The following SERGEF variants were observed in gnomAD, a reference collection of about 807,000 sequenced individuals.
SERGEF encodes secretion regulating guanine nucleotide exchange factor.
A neutral mutation model predicts 50.0 loss-of-function variants in SERGEF; 51 were observed. The observed-to-expected ratio is 1.02, with a 90% CI of 0.81 to 1.29. The LOEUF (loss-of-function observed/expected upper bound fraction) is 1.29. Ranked by LOEUF, SERGEF falls within the 50% of genes most tolerant of loss-of-function variation. The pLI is 0.00. For synonymous variants in SERGEF, 205 were observed against 212.4 expected (o/e 0.97, Z 0.30); for missense variants, 521 against 557.0 (o/e 0.94, Z 0.65).
chr11:17,934,713 T>A (rs987067209), intron 9 of SERGEF, among the ~76,000 whole-genome samples: 3 of 152,234 alleles, frequency 2.0e-5, no homozygotes, highest in Admixed American at 6.5e-5. Context: ...CCAAGTGTAC[T>A]GACTAACCTC....
At chr11:17,809,598 G>A (rs1431884884) in intron 10 of SERGEF, among the ~76,000 whole-genome samples, 1 of 152,152 alleles carries the variant, frequency 6.6e-6, no homozygotes, top group Non-Finnish European at 1.5e-5. Flanking sequence ...TCATTTGGAG[G>A]TGGAGGCAAA....
chr11:17,953,278 C>T (rs1786399935), intron 9 of SERGEF, among the ~76,000 whole-genome samples: 1 of 152,222 alleles, frequency 6.6e-6, no homozygotes, highest in Non-Finnish European at 1.5e-5. Context: ...TTCCACTCTT[C>T]TCTGCTTCCC....
chr11:17,850,408 C>G (rs980639413), intron 10 of SERGEF, among the ~76,000 whole-genome samples: 3 of 152,214 alleles, frequency 2.0e-5, no homozygotes, highest in Admixed American at 2.0e-4. Flanking sequence ...CACACGTACA[C>G]ATACAGGGCT....
intron 10 of SERGEF, among the ~76,000 whole-genome samples, chr11:17,857,967 A>G (rs2133879404): frequency 6.6e-6 from 1 of 152,370 alleles, no homozygotes; most frequent in South Asian, 2.1e-4. Flanking sequence ...AACACATTTC[A>G]GATGAATACC....
intron 9 of SERGEF, among the ~76,000 whole-genome samples, chr11:17,908,453 A>G (rs565370046): frequency 6.6e-6 from 1 of 152,194 alleles, no homozygotes; most frequent in South Asian, 2.1e-4. Context: ...TTCAGACATG[A>G]TCCCCTCCGA....
intron 10 of SERGEF, among the ~76,000 whole-genome samples, chr11:17,830,383 T>C (rs1850272150): frequency 6.6e-6 from 1 of 152,222 alleles, no homozygotes; most frequent in Non-Finnish European, 1.5e-5. Flanking sequence ...CATTTTGTGC[T>C]GCTATAACAG....
intron 1 of SERGEF, among the ~76,000 whole-genome samples, chr11:18,010,961 A>G (rs565330851): frequency 1.3e-5 from 2 of 152,176 alleles, no homozygotes; most frequent in African/African-American, 2.4e-5. Flanking sequence ...GAAAAGTAAC[A>G]TGACACATGG....
intron 4 of SERGEF, chr11:18,000,848 A>T (rs757102456): frequency 1.2e-5 from 7 of 562,152 alleles, no homozygotes; most frequent in Non-Finnish European, 2.0e-5. Flanking sequence ...CTGTAAAGGG[A>T]CAGTTAGTAA....
chr11:17,838,235 T>C (rs961883163), intron 10 of SERGEF, among the ~76,000 whole-genome samples: 2 of 152,222 alleles, frequency 1.3e-5, no homozygotes, highest in African/African-American at 4.8e-5. Flanking sequence ...GCTTTAGCGG[T>C]CCAGAACACA....
intron 7 of SERGEF, 73 bp downstream of exon 7, chr11:17,992,858 A>G: frequency 7.9e-7 from 1 of 1,272,084 alleles, no homozygotes; most frequent in South Asian, 1.2e-5. Flanking sequence ...TCTGTATTTC[A>G]ATATCACCAC....
chr11:17,860,542 C>T (rs930915485), intron 10 of SERGEF, among the ~76,000 whole-genome samples: 4 of 151,968 alleles, frequency 2.6e-5, no homozygotes, highest in South Asian at 2.1e-4. Context: ...TGGTTGGCTC[C>T]GGAAATTGGA....
At chr11:17,869,620 A>G (rs1387757943) in intron 10 of SERGEF, among the ~76,000 whole-genome samples, 1 of 152,090 alleles carries the variant, frequency 6.6e-6, no homozygotes, top group Non-Finnish European at 1.5e-5. Flanking sequence ...TTATAAGGGT[A>G]CTAACACCAT....
intron 9 of SERGEF, among the ~76,000 whole-genome samples, chr11:17,895,086 C>T (rs1020568857): frequency 3.9e-5 from 6 of 152,184 alleles, no homozygotes; most frequent in Non-Finnish European, 8.8e-5. Flanking sequence ...GAATCTTTGC[C>T]TTTGCTGCAG....
Position 18,012,954 on chromosome 11 carries a change from G to A in SERGEF, c.57C>T (p.Ala19=), listed in dbSNP as rs958993868. 2.8e-5 allele frequency: 41 copies of A among 1,490,774 alleles called. No homozygotes were observed. Among genetic ancestry groups the A allele is most frequent in the Admixed American group, 4.6e-5 (2 of 43,342 alleles). The allele number at this position is 1,490,774 out of a possible 1,614,324, so 92.3% of individuals were successfully genotyped here. ...GCCCGGGGGCGGAGTCACGTACCCAGGCGAAGAGCGCGGCCGCCGCGGGGG... is the reference window on the plus strand; with the variant it reads ...GCCCGGGGGCGGAGTCACGTACCCAAGCGAAGAGCGCGGCCGCCGCGGGGG... ...EAAPAAAALF[A]WGANSYGQLG... The change falls in exon 1 of 11, where the codon GCC becomes GCT. Residue 19 remains alanine, a synonymous_variant. Transcript: ENST00000265965.
At chr11:17,896,477 G>A (rs1189375607) in intron 9 of SERGEF, among the ~76,000 whole-genome samples, 1 of 150,610 alleles carries the variant, frequency 6.6e-6, no homozygotes, top group Non-Finnish European at 1.5e-5. Flanking sequence ...ATGCTACAAC[G>A]TATCACATAA....
chr11:17,881,973 T>C (rs920112841), intron 9 of SERGEF, among the ~76,000 whole-genome samples: 2 of 152,220 alleles, frequency 1.3e-5, no homozygotes, highest in Non-Finnish European at 2.9e-5. Context: ...CTGCTACTCA[T>C]GAACCTTCAA....
chr11:18,000,131 T>C (rs1265424950), intron 5 of SERGEF, among the ~76,000 whole-genome samples: 1 of 152,188 alleles, frequency 6.6e-6, no homozygotes, highest in Non-Finnish European at 1.5e-5. Context: ...TTAAGTTTCC[T>C]CTTATTACAG....
chr11:17,846,516 T>G (rs1353823804), intron 10 of SERGEF: 1 of 361,836 alleles, frequency 2.8e-6, no homozygotes, highest in Non-Finnish European at 5.5e-6. Context: ...GAACACCATC[T>G]TTGTATTTTT....
chr11:18,002,731 A>C (rs1590246299), intron 4 of SERGEF, among the ~76,000 whole-genome samples: 1 of 152,136 alleles, frequency 6.6e-6, no homozygotes, highest in Admixed American at 6.6e-5. Flanking sequence ...GTCCTACCAA[A>C]CTATAAAACT....
Sources: gnomAD v4.1 joint callset for allele counts (sites outside exome capture counted in the v4.1 genomes callset) on GRCh38, gnomAD v4.1.1 for gene constraint, MANE v1.5 for transcripts, NCBI Gene and HGNC (gene_info 2026-07-23, HGNC 2026-07-21) for gene names.